PPP1R9A: variants seen among roughly 807,000 people sequenced by gnomAD.
PPP1R9A encodes the protein protein phosphatase 1 regulatory subunit 9A.
In PPP1R9A, 59 loss-of-function variants were observed where a neutral mutation model predicts 141.9. The ratio of observed to expected loss-of-function variants is 0.42; its 90% CI spans 0.34 to 0.52. The LOEUF (loss-of-function observed/expected upper bound fraction) is 0.52, where lower values mean the gene tolerates loss of function less well. Ranked by LOEUF, PPP1R9A falls within the 20% of genes least tolerant of loss-of-function variation. The probability of loss-of-function intolerance (pLI) is 0.10; values close to 1 mark genes in which losing one functional copy is unlikely to be tolerated. For missense variants in PPP1R9A, 1,444 were observed against 1,611.9 expected (o/e 0.90, Z 1.78); for synonymous variants, 500 against 569.7 (o/e 0.88, Z 1.74).
intron 2 of PPP1R9A, among the ~76,000 whole-genome samples, chr7:94,914,756 T>G (rs949314029): frequency 2.0e-5 from 3 of 152,104 alleles, no homozygotes; most frequent in Admixed American, 1.3e-4. Flanking sequence ...TTCTACTAAT[T>G]CAGAACATTT....
intron 2 of PPP1R9A, among the ~76,000 whole-genome samples, chr7:95,020,224 T>G (rs1038968116): frequency 3.3e-5 from 5 of 152,182 alleles, no homozygotes; most frequent in Non-Finnish European, 5.9e-5. Context: ...ACAGTGAGAA[T>G]TGGATTGTAA....
At chr7:95,121,618 C>G (rs1354363542) in intron 4 of PPP1R9A, among the ~76,000 whole-genome samples, 2 of 152,000 alleles carry the variant, frequency 1.3e-5, no homozygotes, top group African/African-American at 4.8e-5. Flanking sequence ...GGCAGAATAC[C>G]TGAGACTGGG....
chr7:95,169,088 G>A (rs762737650), intron 5 of PPP1R9A, among the ~76,000 whole-genome samples: 22 of 152,198 alleles, frequency 1.4e-4, no homozygotes, highest in Admixed American at 2.6e-4. Context: ...GCATCTCAGT[G>A]TTTATTGCAG....
In PPP1R9A at chr7:94,910,223, C is replaced by T; in HGVS notation, c.110C>T (p.Pro37Leu). The change falls in exon 2 of 20, where the codon CCC (proline) becomes CTC (leucine). Residue 37 changes from proline (P) to leucine (L), a missense_variant. Physicochemically the swap from Pro to Leu is moderately conservative, Grantham distance 98. Transcript: ENST00000433360. The surrounding 1 kb of genome is among the most constrained non-coding windows in gnomAD (Gnocchi z 4.5). ...GCACTGAAAAGTACCTTTGACAAAC[C>T]CAAGTCAGATGGGGAACAAAAAACA... ...FQALKSTFDK[P>L]KSDGEQKTKE... The T allele has an allele frequency of 1.9e-6, 3 of 1,613,898 alleles. No homozygotes were observed. The highest frequency in any genetic ancestry group is 2.5e-6 in the Non-Finnish European group (3 of 1,179,966).
At chr7:95,017,605 C>T (rs1465413475) in intron 2 of PPP1R9A, among the ~76,000 whole-genome samples, 1 of 151,918 alleles carries the variant, frequency 6.6e-6, no homozygotes, top group African/African-American at 2.4e-5. Flanking sequence ...AACTGAGAAG[C>T]TGATTATAAA....
chr7:95,008,701 A>G (rs920246262), intron 2 of PPP1R9A, among the ~76,000 whole-genome samples: 2 of 152,162 alleles, frequency 1.3e-5, no homozygotes, highest in Non-Finnish European at 2.9e-5. Context: ...GAAGTGGGAT[A>G]TTTAAATTCT....
chr7:94,951,680 C>T (rs1314484761), intron 2 of PPP1R9A, among the ~76,000 whole-genome samples: 1 of 151,838 alleles, frequency 6.6e-6, no homozygotes, highest in East Asian at 1.9e-4. Flanking sequence ...ATTTTCCTTC[C>T]TCCTACTGTC....
chr7:95,169,615 A>G (rs1325931698), intron 5 of PPP1R9A, among the ~76,000 whole-genome samples: 1 of 151,976 alleles, frequency 6.6e-6, no homozygotes, highest in Non-Finnish European at 1.5e-5. Flanking sequence ...TATACAGTAT[A>G]GCATGTAAGA....
chr7:95,131,785 G>A (rs1824684115), intron 4 of PPP1R9A, among the ~76,000 whole-genome samples: 1 of 151,934 alleles, frequency 6.6e-6, no homozygotes, highest in Non-Finnish European at 1.5e-5. Flanking sequence ...TGGTCAGTAT[G>A]GCCATTTTGC....
intron 2 of PPP1R9A, among the ~76,000 whole-genome samples, chr7:94,989,612 C>CT: frequency 6.6e-6 from 1 of 150,724 alleles, no homozygotes; most frequent in Non-Finnish European, 1.5e-5. Flanking sequence ...GCACTGTCAT[C>CT]TTTTTTCTCA....
At chr7:95,247,974 C>T (rs1325051739) in intron 9 of PPP1R9A, among the ~76,000 whole-genome samples, 1 of 151,608 alleles carries the variant, frequency 6.6e-6, no homozygotes, top group Non-Finnish European at 1.5e-5. Context: ...ATCTTATAAA[C>T]TTAATACATG....
At chr7:95,198,836 A>G (rs1368819330) in intron 6 of PPP1R9A, among the ~76,000 whole-genome samples, 3 of 152,182 alleles carry the variant, frequency 2.0e-5, no homozygotes, top group East Asian at 1.9e-4. Flanking sequence ...TATTTTTTCA[A>G]TCTTTTCCAA....
chr7:95,138,721 G>A (rs1826113408), intron 4 of PPP1R9A, among the ~76,000 whole-genome samples: 1 of 152,186 alleles, frequency 6.6e-6, no homozygotes, highest in Non-Finnish European at 1.5e-5. Flanking sequence ...CCACTTCAAA[G>A]TGGAAAACTT....
At chr7:95,087,988 CCAG>C (rs1816857969) in intron 2 of PPP1R9A, among the ~76,000 whole-genome samples, 1 of 150,640 alleles carries the variant, frequency 6.6e-6, no homozygotes, top group Non-Finnish European at 1.5e-5. Context: ...TCTGGAGATA[CCAG>C]TAAGAGTGTG....
intron 5 of PPP1R9A, among the ~76,000 whole-genome samples, chr7:95,181,743 TTCCGTC>T (rs1833877436): frequency 7.5e-6 from 1 of 134,150 alleles, no homozygotes; most frequent in Non-Finnish European, 1.6e-5. Flanking sequence ...TATATATATA[TTCCGTC>T]ACATATATAT....
Position 94,916,507 on chromosome 7 carries a change from T to G in PPP1R9A, c.1395+4999T>G, listed in dbSNP as rs560621353. Among the ~76,000 whole-genome samples, 51 of 152,306 alleles carry G rather than the reference T, an allele frequency of 3.3e-4. 1 individual carries two copies. Among genetic ancestry groups the G allele is most frequent in the African/African-American group, 1.2e-3 (49 of 41,568 alleles). On this transcript the variant is annotated intron_variant, in intron 2 of 19. Transcript: ENST00000433360. ...CTATATCTGGTTGGGTGGAATAATA[T>G]TCTCTGAAGATGAAATAAGGTATAA...
intron 2 of PPP1R9A, among the ~76,000 whole-genome samples, chr7:95,033,983 G>T (rs1234389652): frequency 6.6e-6 from 1 of 151,974 alleles, no homozygotes; most frequent in Non-Finnish European, 1.5e-5. Context: ...AAATTGCCTT[G>T]TTTTTTATTC....
chr7:95,231,516 A>G (rs1018193531), intron 8 of PPP1R9A, among the ~76,000 whole-genome samples: 1 of 152,190 alleles, frequency 6.6e-6, no homozygotes, highest in East Asian at 1.9e-4. Context: ...AAGTCTCAGT[A>G]AATTTAAGAA....
chr7:95,103,216 T>G (rs10261978), intron 2 of PPP1R9A, among the ~76,000 whole-genome samples: 11,493 of 54,634 alleles, frequency 0.21, 615 homozygotes, highest in African/African-American at 0.34. Flanking sequence ...TAAATATATA[T>G]AGTATGTATA....
Sources: allele counts gnomAD v4.1 joint callset (sites outside exome capture counted in the v4.1 genomes callset), GRCh38; gene constraint gnomAD v4.1.1; non-coding constraint Gnocchi (gnomAD v3.1); transcripts MANE v1.5; gene names NCBI Gene and HGNC (gene_info 2026-07-23, HGNC 2026-07-21).